PAX7: variants seen among roughly 807,000 people sequenced by gnomAD.
The protein encoded by PAX7 is paired box 7.
In PAX7, 18 loss-of-function variants were observed where a neutral mutation model predicts 50.7. The ratio of observed to expected loss-of-function variants is 0.36; its 90% CI spans 0.25 to 0.53. PAX7 has a LOEUF of 0.53. Among genes scored for constraint, PAX7 ranks in the 20% least tolerant of loss-of-function variants. PAX7 has a pLI of 0.93. For synonymous variants in PAX7, 310 were observed against 290.4 expected (o/e 1.07, Z -0.69); for missense variants, 644 against 702.9 (o/e 0.92, Z 0.95).
rs1445089448 is a variant in PAX7 at position 18,728,661 on chromosome 1, G to C, written c.1156-6971G>C. ...AGATCACCTGAGGTCAGGAGTTCGA[G>C]ACCAGCGTGACCAACATAGAGAAAC... On this transcript the variant is annotated intron_variant, in intron 7 of 8. Transcript: ENST00000420770. 2.7e-5 allele frequency among the ~76,000 whole-genome samples: 4 copies of C among 148,124 alleles called. 1 individual carries two copies. In the Middle Eastern group the frequency reaches 0.01, roughly 386 times the overall value.
At chr1:18,715,977 T>C (rs947543412) in intron 7 of PAX7, among the ~76,000 whole-genome samples, 5 of 152,152 alleles carry the variant, frequency 3.3e-5, no homozygotes, top group African/African-American at 1.2e-4. Context: ...TTCCATCCTG[T>C]TCCCCCCGCT....
At chr1:18,743,910 G>A (rs147785077) in intron 8 of PAX7, among the ~76,000 whole-genome samples, 35 of 152,270 alleles carry the variant, frequency 2.3e-4, no homozygotes, top group African/African-American at 5.8e-4. Flanking sequence ...GTGTGCAAAT[G>A]TTGCTCTTCT....
chr1:18,635,818 GTA>G (rs1236913423), intron 3 of PAX7, among the ~76,000 whole-genome samples: 7 of 146,268 alleles, frequency 4.8e-5, no homozygotes, highest in Non-Finnish European at 7.7e-5. Flanking sequence ...GTGTGTGTGT[GTA>G]TGTGTGTGTG....
chr1:18,719,444 AG>A (rs1419221319), intron 7 of PAX7, among the ~76,000 whole-genome samples: 3 of 152,232 alleles, frequency 2.0e-5, no homozygotes, highest in African/African-American at 7.2e-5. Context: ...CTCGGAACCC[AG>A]CCCCTAGGCC....
chr1:18,733,883 G>A (rs562181298), intron 7 of PAX7, among the ~76,000 whole-genome samples: 2 of 152,154 alleles, frequency 1.3e-5, no homozygotes, highest in Non-Finnish European at 2.9e-5. Context: ...GGAAGCCACG[G>A]CCCCTTTGCG....
intron 4 of PAX7, among the ~76,000 whole-genome samples, chr1:18,681,357 G>T (rs970221016): frequency 1.3e-5 from 2 of 152,004 alleles, no homozygotes; most frequent in African/African-American, 4.8e-5. Flanking sequence ...AGTTAGAAGG[G>T]TCCTCATGAT....
chr1:18,684,216 G>C (rs1438315224), intron 4 of PAX7, among the ~76,000 whole-genome samples: 2 of 152,228 alleles, frequency 1.3e-5, no homozygotes, highest in Non-Finnish European at 2.9e-5. Flanking sequence ...TGCCAGGACA[G>C]GTTCCAAGCT....
intron 4 of PAX7, among the ~76,000 whole-genome samples, chr1:18,649,754 C>T (rs2088403115): frequency 2.0e-5 from 3 of 152,152 alleles, no homozygotes; most frequent in Non-Finnish European, 4.4e-5. Flanking sequence ...AAATAAAGCC[C>T]AGAGGGAAAA....
In PAX7 at chr1:18,746,285, C is replaced by A. The variant is rs552538546; in HGVS notation, c.*1356C>A. On this transcript the variant is annotated 3_prime_UTR_variant, in exon 9 of 9. Coordinates refer to ENST00000420770, the MANE Select transcript of PAX7 (RefSeq NM_001135254.2). ...ACAGCTGAGCTGAGGCAGATGTGAC[C>A]AGTTTTCAAGCTACCAGCCCTGGGC... The A allele has an allele frequency of 2.2e-5, 5 of 230,048 alleles. No individual in the cohort carries two copies. The Middle Eastern group carries it at 5.2e-3, about 240-fold the overall frequency. 14.3% of individuals were successfully genotyped at this position (230,048 alleles called of 1,614,324 possible).
At chr1:18,675,800 G>A (rs2088814430) in intron 4 of PAX7, among the ~76,000 whole-genome samples, 1 of 152,194 alleles carries the variant, frequency 6.6e-6, no homozygotes. Flanking sequence ...ATGGCTCTAA[G>A]TTCGAGTCTC....
chr1:18,734,556 G>A (rs1020323037), intron 7 of PAX7, among the ~76,000 whole-genome samples: 4 of 152,146 alleles, frequency 2.6e-5, no homozygotes, highest in Non-Finnish European at 5.9e-5. Context: ...GGAAAGCACT[G>A]CTTCTCCCCG....
At chr1:18,688,867 T>C (rs771384116) in intron 4 of PAX7, among the ~76,000 whole-genome samples, 11 of 152,162 alleles carry the variant, frequency 7.2e-5, no homozygotes, top group Non-Finnish European at 1.6e-4. Flanking sequence ...TGAGCAGAGA[T>C]GGCGCCACTG....
At chr1:18,689,878 CG>C (rs989516842) in intron 4 of PAX7, among the ~76,000 whole-genome samples, 4 of 152,112 alleles carry the variant, frequency 2.6e-5, no homozygotes, top group Admixed American at 6.5e-5. Context: ...GTTTTTGTTG[CG>C]GGGAGGAGGG....
At position 18,691,915 on chromosome 1, in the gene PAX7, C is replaced by A; in HGVS notation, c.748C>A (p.Leu250Met). 6.2e-7 allele frequency: 1 copy of A among 1,613,996 alleles called. No individual in the cohort carries two copies. Among genetic ancestry groups the A allele is most frequent in the South Asian group, 1.1e-5 (1 of 91,050 alleles). ...HYPDIYTREE[L>M]AQRTKLTEAR... The stretch of plus-strand genomic sequence containing the variant: ...CCCAGACATATACACCCGCGAGGAG[C>A]TGGCGCAGAGGACCAAGCTGACAGA... The change falls in exon 5 of 9, where the codon CTG (leucine) becomes ATG (methionine). Residue 250 changes from leucine to methionine, a missense_variant. By Grantham distance (15) the Leu-to-Met change is conservative (BLOSUM62 2). Transcript: ENST00000420770.
intron 7 of PAX7, among the ~76,000 whole-genome samples, chr1:18,720,922 A>C (rs2089485523): frequency 6.6e-6 from 1 of 151,990 alleles, no homozygotes; most frequent in South Asian, 2.1e-4. Flanking sequence ...AGGTGCAGAG[A>C]GAGGGCTTGA....
intron 4 of PAX7, among the ~76,000 whole-genome samples, chr1:18,677,859 A>G (rs1473440906): frequency 6.7e-6 from 1 of 148,942 alleles, no homozygotes; most frequent in East Asian, 2.0e-4. Flanking sequence ...TGAGGTGGGC[A>G]GATCACAAAG....
At chr1:18,668,147 G>A (rs2100228303) in intron 4 of PAX7, among the ~76,000 whole-genome samples, 1 of 152,244 alleles carries the variant, frequency 6.6e-6, no homozygotes, top group Admixed American at 6.5e-5. Context: ...TGGACAGGGG[G>A]TGGGGCAGTA....
Position 18,700,879 on chromosome 1 carries a change from T to G in PAX7, c.952+61T>G. 1 of 1,295,460 alleles carries G rather than the reference T, an allele frequency of 7.7e-7. No homozygotes were observed. Among genetic ancestry groups the G allele is most frequent in the Non-Finnish European group, 1.0e-6 (1 of 996,232 alleles). 80.2% of individuals were successfully genotyped at this position (1,295,460 alleles called of 1,614,324 possible). A position where few individuals can be genotyped will look rare whatever the true frequency, so the allele number is the denominator to read the frequency against. On this transcript the variant is annotated intron_variant, in intron 6 of 8. Coordinates refer to ENST00000420770, the MANE Select transcript of PAX7 (RefSeq NM_001135254.2). The surrounding 1 kb of genome is among the most constrained non-coding windows in gnomAD (Gnocchi z 4.8). ...TGCCCCTTCCCTTCTTTCTTTACTT[T>G]CACTTACAAAGGCTCTTCTTTTTTT...
At chr1:18,669,993 G>A (rs1020461182) in intron 4 of PAX7, among the ~76,000 whole-genome samples, 6 of 142,516 alleles carry the variant, frequency 4.2e-5, no homozygotes, top group Non-Finnish European at 9.0e-5. Context: ...TGAAGCAGGA[G>A]AATCATTTGA....
Sources: gnomAD v4.1 joint callset for allele counts (sites outside exome capture counted in the v4.1 genomes callset) on GRCh38, gnomAD v4.1.1 for gene constraint, Gnocchi (gnomAD v3.1) non-coding constraint, MANE v1.5 for transcripts, NCBI Gene and HGNC (gene_info 2026-07-23, HGNC 2026-07-21) for gene names.